SPIDR: variants seen among roughly 807,000 people sequenced by gnomAD.
SPIDR encodes scaffold protein involved in DNA repair, also known as DNA repair-scaffolding protein.
A neutral mutation model predicts 104.6 loss-of-function variants in SPIDR; 93 were observed. The observed-to-expected ratio is 0.89, with a 90% CI of 0.75 to 1.06. SPIDR has a LOEUF of 1.06. Ranked by LOEUF, SPIDR falls within the 50% of genes least tolerant of loss-of-function variation. The pLI is 0.00. For missense variants in SPIDR, 1,154 were observed against 1,111.2 expected, an observed-to-expected ratio of 1.04 and a Z score of -0.55; for synonymous variants, 431 against 416.9, an observed-to-expected ratio of 1.03 and a Z score of -0.41.
chr8:47,439,474 T>C (rs782736146), intron 7 of SPIDR, among the ~76,000 whole-genome samples: 2 of 152,264 alleles, frequency 1.3e-5, no homozygotes, highest in Admixed American at 1.3e-4. Flanking sequence ...TACAGTGTTC[T>C]GTTGTATGAA....
intron 8 of SPIDR, among the ~76,000 whole-genome samples, chr8:47,477,456 A>G (rs2076415358): frequency 6.6e-6 from 1 of 152,228 alleles, no homozygotes; most frequent in South Asian, 2.1e-4. Flanking sequence ...TTGGCCTCCC[A>G]AAGTGCTGAG....
intron 5 of SPIDR, among the ~76,000 whole-genome samples, chr8:47,387,649 T>C (rs2060111990): frequency 6.6e-6 from 1 of 152,172 alleles, no homozygotes; most frequent in African/African-American, 2.4e-5. Context: ...TTTGAACTTG[T>C]TGTATTGAGA....
At chr8:47,719,823 C>G (rs2083137829) in intron 16 of SPIDR, among the ~76,000 whole-genome samples, 1 of 152,146 alleles carries the variant, frequency 6.6e-6, no homozygotes, top group Non-Finnish European at 1.5e-5. Context: ...ACTCAAGGAA[C>G]CCAATGCTCC....
chr8:47,551,419 A>G (rs1564307058), intron 8 of SPIDR, among the ~76,000 whole-genome samples: 1 of 152,126 alleles, frequency 6.6e-6, no homozygotes, highest in Admixed American at 6.5e-5. Context: ...TTTGGTTGGT[A>G]GACTATTAAT....
chr8:47,623,230 A>T (rs756047179), intron 10 of SPIDR, among the ~76,000 whole-genome samples: 2 of 152,190 alleles, frequency 1.3e-5, no homozygotes, highest in Non-Finnish European at 2.9e-5. Context: ...AGAGTTCCTG[A>T]AGGAAGCACT....
At chr8:47,522,222 A>G (rs981896346) in intron 8 of SPIDR, among the ~76,000 whole-genome samples, 7 of 151,740 alleles carry the variant, frequency 4.6e-5, no homozygotes, top group African/African-American at 9.7e-5. Context: ...TGAGCAGGAG[A>G]AAAAGAACTG....
intron 7 of SPIDR, among the ~76,000 whole-genome samples, chr8:47,439,812 C>T (rs1176986623): frequency 6.6e-6 from 1 of 152,162 alleles, no homozygotes; most frequent in Non-Finnish European, 1.5e-5. Context: ...CAATCTAGAG[C>T]TCTAATACCC....
chr8:47,441,374 T>C (rs1044198153), intron 8 of SPIDR, among the ~76,000 whole-genome samples: 1 of 152,206 alleles, frequency 6.6e-6, no homozygotes, highest in Non-Finnish European at 1.5e-5. Context: ...ATTTCTCTTA[T>C]ATAAAATGGG....
intron 8 of SPIDR, among the ~76,000 whole-genome samples, chr8:47,476,119 G>A (rs1343371043): frequency 6.6e-6 from 1 of 152,196 alleles, no homozygotes; most frequent in African/African-American, 2.4e-5. Flanking sequence ...TATTCATTAA[G>A]TTGGGTAGCC....
chr8:47,604,047 C>T (rs1463615652), intron 10 of SPIDR, among the ~76,000 whole-genome samples: 3 of 152,086 alleles, frequency 2.0e-5, no homozygotes, highest in African/African-American at 7.2e-5. Context: ...TCTCTGTGCT[C>T]CTGGAGCATA....
chr8:47,566,330 T>C (rs1255085542), intron 8 of SPIDR, among the ~76,000 whole-genome samples: 1 of 151,928 alleles, frequency 6.6e-6, no homozygotes, highest in African/African-American at 2.4e-5. Context: ...AAACTTGAAA[T>C]TTTTTCCCTC....
chr8:47,277,823 C>CA (rs2036860187), intron 1 of SPIDR, among the ~76,000 whole-genome samples: 1 of 151,778 alleles, frequency 6.6e-6, no homozygotes. Flanking sequence ...TACAGGCGCA[C>CA]ACCACCATTC....
chr8:47,400,295 T>C (rs1312463890), intron 6 of SPIDR, among the ~76,000 whole-genome samples: 3 of 152,240 alleles, frequency 2.0e-5, no homozygotes, highest in African/African-American at 4.8e-5. Flanking sequence ...TGGCTGAAGC[T>C]GCTCAAACAG....
chr8:47,519,128 T>C (rs1407702098), intron 8 of SPIDR, among the ~76,000 whole-genome samples: 1 of 151,402 alleles, frequency 6.6e-6, no homozygotes, highest in East Asian at 2.0e-4. Flanking sequence ...TGTGTTTTGT[T>C]GTTGTTGTTG....
chr8:47,578,905 G>T (rs1435965148), intron 8 of SPIDR, among the ~76,000 whole-genome samples: 2 of 152,136 alleles, frequency 1.3e-5, no homozygotes, highest in Non-Finnish European at 2.9e-5. Flanking sequence ...TCTGACTTGG[G>T]TAGGAAGGTA....
At position 47,489,057 on chromosome 8, in the gene SPIDR, A is replaced by C. The variant is rs552535863; in HGVS notation, c.1097+48515A>C. On this transcript the variant is annotated intron_variant, in intron 8 of 19. Transcript: ENST00000297423. ...TATTCAATTAGGAAAAGAGGAAGTC[A>C]AATTGTCCCTGTTTGCAGATGACAT... 1.5e-3 allele frequency among the ~76,000 whole-genome samples: 224 copies of C among 152,328 alleles called. 4 individuals are homozygous for C. In the South Asian group the frequency reaches 0.046, roughly 31 times the overall value.
chr8:47,362,183 C>T lies in SPIDR; in HGVS notation c.526-34193C>T, dbSNP rs367890351. Among the ~76,000 whole-genome samples, 5 of 152,222 alleles carry T rather than the reference C, an allele frequency of 3.3e-5. 1 individual carries two copies. The East Asian group carries it at 9.6e-4, about 29-fold the overall frequency. ...GTCAGCTCAGTGGAGGCCAGCTGTG[C>T]TGTCCTAGACGTGGCCTATGGTGCC... On this transcript the variant is annotated intron_variant, in intron 5 of 19. Transcript: ENST00000297423.
intron 8 of SPIDR, among the ~76,000 whole-genome samples, chr8:47,441,540 C>A (rs2069433296): frequency 6.6e-6 from 1 of 151,510 alleles, no homozygotes; most frequent in Non-Finnish European, 1.5e-5. Flanking sequence ...CCTTGTCAGT[C>A]ATATACATTG....
intron 1 of SPIDR, among the ~76,000 whole-genome samples, chr8:47,269,943 T>A (rs1405439848): frequency 1.3e-5 from 2 of 152,250 alleles, no homozygotes; most frequent in Non-Finnish European, 2.9e-5. Flanking sequence ...TTTATTTTGT[T>A]AATATATGAC....
Sources: allele counts gnomAD v4.1 joint callset (sites outside exome capture counted in the v4.1 genomes callset), GRCh38; gene constraint gnomAD v4.1.1; transcripts MANE v1.5; gene names NCBI Gene and HGNC (gene_info 2026-07-23, HGNC 2026-07-21).